Variants in CUX2 observed in about 807,000 individuals in gnomAD.
CUX2 encodes the protein homeobox protein cut-like 2.
A neutral mutation model predicts 144.8 loss-of-function variants in CUX2; 40 were observed. That is an observed-to-expected ratio of 0.28 (90% CI 0.21 to 0.36). The LOEUF is 0.36. Ranked by LOEUF, CUX2 falls within the 10% of genes least tolerant of loss-of-function variation. The pLI is 1.00. For synonymous variants in CUX2, 827 were observed against 875.6 expected (o/e 0.94, Z 0.98); for missense variants, 1,615 against 1,994.0 (o/e 0.81, Z 3.62).
At chr12:111,123,450 C>A (rs1268322126) in intron 1 of CUX2, among the ~76,000 whole-genome samples, 2 of 152,154 alleles carry the variant, frequency 1.3e-5, no homozygotes, top group Non-Finnish European at 2.9e-5. Context: ...TCCCAAAGTG[C>A]TGGGATTAGA....
Position 111,310,800 on chromosome 12 carries a change from T to C in CUX2, c.1900+118T>C. On this transcript the variant is annotated intron_variant, in intron 15 of 21. Coordinates refer to ENST00000261726, the MANE Select transcript of CUX2 (RefSeq NM_015267.4). The surrounding 1 kb of genome is among the most constrained non-coding windows in gnomAD (Gnocchi z 7.9). ...GCCCAGCTCTACCACCACCTGGCTG[T>C]GTGACCCAGGGCCAGTGGCTTTGCC... is the stretch of plus-strand genomic sequence containing the variant. 8.2e-7 allele frequency: 1 copy of C among 1,219,982 alleles called. No homozygotes were observed. Among genetic ancestry groups the C allele is most frequent in the Non-Finnish European group, 1.1e-6 (1 of 900,496 alleles). 75.6% of individuals were successfully genotyped at this position (1,219,982 alleles called of 1,614,324 possible).
At chr12:111,345,826 C>T (rs916217840) in intron 21 of CUX2, among the ~76,000 whole-genome samples, 1 of 142,094 alleles carries the variant, frequency 7.0e-6, no homozygotes, top group African/African-American at 2.6e-5. Context: ...ATGAAATAAA[C>T]AGGCTGGGTG....
intron 4 of CUX2, among the ~76,000 whole-genome samples, chr12:111,290,832 G>T (rs1001109277): frequency 6.6e-6 from 1 of 151,598 alleles, no homozygotes; most frequent in Non-Finnish European, 1.5e-5. Flanking sequence ...CCAAATTGCT[G>T]GGATTACAGG....
chr12:111,164,616 C>T (rs1289456444), intron 1 of CUX2, among the ~76,000 whole-genome samples: 1 of 151,730 alleles, frequency 6.6e-6, no homozygotes, highest in Admixed American at 6.6e-5. Context: ...AAGCAAAAGA[C>T]AATAACAGAA....
intron 4 of CUX2, among the ~76,000 whole-genome samples, chr12:111,272,062 C>T (rs1326786565): frequency 2.6e-5 from 4 of 152,308 alleles, no homozygotes; most frequent in African/African-American, 4.8e-5. Flanking sequence ...AAATCTTTCT[C>T]GCCTCAAGGG....
chr12:111,146,734 C>T (rs1385778133), intron 1 of CUX2, among the ~76,000 whole-genome samples: 2 of 152,180 alleles, frequency 1.3e-5, no homozygotes, highest in South Asian at 2.1e-4. Context: ...CAGAGTCAGA[C>T]CCCGTAGGTT....
rs527829478 is a variant in CUX2 at position 111,135,482 on chromosome 12, A to T, written c.64-78718A>T. On this transcript the variant is annotated intron_variant, in intron 1 of 21. Transcript: ENST00000261726. ...TGACCCAGCAATTCTGCTCCCAGGA[A>T]TATACCCAAAAAAATTGAAAACAGG... Among the ~76,000 whole-genome samples the T allele has an allele frequency of 4.8e-4, 73 of 152,368 alleles. 1 individual carries two copies. Among genetic ancestry groups the T allele is most frequent in the African/African-American group, 1.6e-3 (68 of 41,590 alleles).
chr12:111,229,756 C>T (rs1445235504), intron 3 of CUX2, among the ~76,000 whole-genome samples: 3 of 152,006 alleles, frequency 2.0e-5, no homozygotes, highest in Non-Finnish European at 4.4e-5. Context: ...CACAGTGGCT[C>T]ACGCTTATAA....
chr12:111,041,630 C>A (rs1869747204), intron 1 of CUX2, among the ~76,000 whole-genome samples: 1 of 152,338 alleles, frequency 6.6e-6, no homozygotes, highest in Middle Eastern at 3.4e-3. Context: ...TGACCAGTGT[C>A]CCCTGAAAAT....
rs76331941 is a variant in CUX2 at position 111,261,462 on chromosome 12, A to G, written c.223-2299A>G. ...CCAGTGTTTGCACCTCCTCCTGTGC[A>G]TTTGTTTTGTTTGTAAAGATAGGGT... On this transcript the variant is annotated intron_variant, in intron 3 of 21. Coordinates refer to ENST00000261726, the MANE Select transcript of CUX2 (RefSeq NM_015267.4). 2.0e-3 allele frequency among the ~76,000 whole-genome samples: 277 copies of G among 139,992 alleles called. 2 individuals carry two copies. Among genetic ancestry groups the G allele is most frequent in the African/African-American group, 7.0e-3 (260 of 37,140 alleles). 91.8% of individuals were successfully genotyped at this position (139,992 alleles called of 152,430 possible).
intron 1 of CUX2, among the ~76,000 whole-genome samples, chr12:111,063,340 C>T (rs1417722927): frequency 6.6e-6 from 1 of 152,146 alleles, no homozygotes; most frequent in Non-Finnish European, 1.5e-5. Flanking sequence ...AACACCCCCT[C>T]CCCCCACCAC....
chr12:111,289,254 C>G lies in CUX2; in HGVS notation c.302-2164C>G, dbSNP rs557525456. ...TCCAGGACCCTGGCTTTCCTGGGTG[C>G]CATGGACACCATCTGCACCTGCTGG... On this transcript the variant is annotated intron_variant, in intron 4 of 21. Transcript: ENST00000261726. This position sits in a 1 kb window ranked among gnomAD's most constrained non-coding sequence, Gnocchi z 4.1. 2.0e-5 allele frequency among the ~76,000 whole-genome samples: 3 copies of G among 152,298 alleles called. No homozygotes were observed. The highest frequency in any genetic ancestry group is 6.5e-5 in the Admixed American group (1 of 15,300).
At chr12:111,087,237 G>A (rs893735280) in intron 1 of CUX2, among the ~76,000 whole-genome samples, 3 of 151,546 alleles carry the variant, frequency 2.0e-5, no homozygotes, top group Middle Eastern at 3.2e-3. Flanking sequence ...GCGTGGTGGC[G>A]GGCACCTGTA....
At chr12:111,297,314 T>C (rs1886060835) in intron 8 of CUX2, among the ~76,000 whole-genome samples, 1 of 152,184 alleles carries the variant, frequency 6.6e-6, no homozygotes, top group African/African-American at 2.4e-5. Context: ...CCTCCAGACA[T>C]GTCTCTTCCC....
intron 1 of CUX2, among the ~76,000 whole-genome samples, chr12:111,045,753 G>A (rs542923215): frequency 1.3e-5 from 2 of 152,156 alleles, no homozygotes; most frequent in African/African-American, 4.8e-5. Flanking sequence ...AGAGGCTTTC[G>A]GCAACTCCCC....
intron 4 of CUX2, among the ~76,000 whole-genome samples, chr12:111,286,210 G>C (rs1379224169): frequency 6.6e-6 from 1 of 152,196 alleles, no homozygotes; most frequent in African/African-American, 2.4e-5. Context: ...TTGTCTAGGG[G>C]TGATGAAAGC....
chr12:111,298,442 C>A, intron 8 of CUX2, 99 bp from the exon 9 acceptor site: 2 of 1,289,694 alleles, frequency 1.6e-6, no homozygotes, highest in Non-Finnish European at 2.2e-6. Flanking sequence ...AGGCCTTCAG[C>A]CCTCCCCTGG....
chr12:111,336,234 C>G (rs920312786), intron 19 of CUX2, among the ~76,000 whole-genome samples: 2 of 152,188 alleles, frequency 1.3e-5, no homozygotes, highest in African/African-American at 4.8e-5. Flanking sequence ...ACAAATTCCT[C>G]TGAGTCTTAA....
chr12:111,233,878 G>A lies in CUX2; in HGVS notation c.222+15941G>A, dbSNP rs145495620. On this transcript the variant is annotated intron_variant, in intron 3 of 21. Coordinates refer to ENST00000261726, the MANE Select transcript of CUX2 (RefSeq NM_015267.4). ...AGATGAGGTTACATCACAGTCTAGC[G>A]CTGGTTGATAGAAGTTGTGGTGGGG... 3.6e-4 allele frequency among the ~76,000 whole-genome samples: 55 copies of A among 152,300 alleles called. 1 individual carries two copies. The East Asian group carries it at 7.1e-3, about 20-fold the overall frequency.
Sources: allele counts gnomAD v4.1 joint callset (sites outside exome capture counted in the v4.1 genomes callset), GRCh38; gene constraint gnomAD v4.1.1; non-coding constraint Gnocchi (gnomAD v3.1); transcripts MANE v1.5; gene names NCBI Gene and HGNC (gene_info 2026-07-23, HGNC 2026-07-21).